The following RIGI variants were observed in gnomAD, a reference collection of about 807,000 sequenced individuals.
RIGI encodes antiviral innate immune response receptor RIG-I.
At chr9:32,470,348 T>C in the RIGI span, among the ~76,000 whole-genome samples, 1 of 152,246 alleles carries the variant, frequency 6.6e-6, no homozygotes, top group Non-Finnish European at 1.5e-5. Flanking sequence ...CTTTAGGCTC[T>C]GTGGGTCATG....
chr9:32,525,065 C>T, the RIGI span, among the ~76,000 whole-genome samples: 2 of 152,160 alleles, frequency 1.3e-5, no homozygotes, highest in Admixed American at 6.5e-5. Flanking sequence ...AATCTAGCAC[C>T]TATTGTTCAA....
chr9:32,458,983 G>A, the RIGI span, among the ~76,000 whole-genome samples: 7 of 147,752 alleles, frequency 4.7e-5, no homozygotes, highest in African/African-American at 1.7e-4. Context: ...TCTGCCTCCC[G>A]GTTCAAGCGA....
At chr9:32,513,036 G>C in the RIGI span, among the ~76,000 whole-genome samples, 1 of 151,900 alleles carries the variant, frequency 6.6e-6, no homozygotes, top group African/African-American at 2.4e-5. Flanking sequence ...CCTCTTCAAG[G>C]AGAACTACAA....
chr9:32,459,108 C>T, the RIGI span, among the ~76,000 whole-genome samples: 3 of 137,590 alleles, frequency 2.2e-5, no homozygotes, highest in Non-Finnish European at 5.0e-5. Context: ...GGGCTGGTCT[C>T]GAACTCCTGA....
the RIGI span, among the ~76,000 whole-genome samples, chr9:32,498,717 T>G: frequency 6.6e-6 from 1 of 152,170 alleles, no homozygotes; most frequent in African/African-American, 2.4e-5. Flanking sequence ...GTGCAGTGGC[T>G]CATGCCTGTA....
At chr9:32,488,174 G>C in the RIGI span, 1 of 1,614,046 alleles carries the variant, frequency 6.2e-7, no homozygotes, top group Admixed American at 1.7e-5. Context: ...ATTCTCAGCT[G>C]TTGCTCCAGA....
chr9:32,483,377 T>C, the RIGI span, among the ~76,000 whole-genome samples: 1 of 152,062 alleles, frequency 6.6e-6, no homozygotes, highest in Non-Finnish European at 1.5e-5. Context: ...TGAACCTGGG[T>C]AGGTGTAAAA....
At chr9:32,470,204 A>G in the RIGI span, among the ~76,000 whole-genome samples, 1 of 152,232 alleles carries the variant, frequency 6.6e-6, no homozygotes, top group Non-Finnish European at 1.5e-5. Context: ...AGCATTGTGG[A>G]CCATTACATA....
chr9:32,471,066 T>C, the RIGI span, among the ~76,000 whole-genome samples: 1 of 152,366 alleles, frequency 6.6e-6, no homozygotes, highest in South Asian at 2.1e-4. Flanking sequence ...AAGACCAGCC[T>C]GGCCAACATG....
At chr9:32,502,124 T>G in the RIGI span, among the ~76,000 whole-genome samples, 2 of 149,280 alleles carry the variant, frequency 1.3e-5, no homozygotes, top group African/African-American at 2.4e-5. Context: ...CAATACATAG[T>G]CTATGTCTGG....
At chr9:32,496,961 ATG>A in the RIGI span, among the ~76,000 whole-genome samples, 1 of 152,126 alleles carries the variant, frequency 6.6e-6, no homozygotes, top group Non-Finnish European at 1.5e-5. Flanking sequence ...CAGATGTGTA[ATG>A]TGTTTTGAAA....
At chr9:32,485,401 A>G in the RIGI span, 21 of 710,668 alleles carry the variant, frequency 3.0e-5, no homozygotes, top group Non-Finnish European at 4.7e-5. Flanking sequence ...TTCCTCTGAA[A>G]AACCTAAGGT....
the RIGI span, among the ~76,000 whole-genome samples, chr9:32,499,222 C>T: frequency 1.9e-4 from 24 of 129,436 alleles, no homozygotes; most frequent in African/African-American, 6.6e-4. Flanking sequence ...TTTCTTTTTC[C>T]AGTTGATTTT....
the RIGI span, among the ~76,000 whole-genome samples, chr9:32,476,391 G>C: frequency 6.6e-6 from 1 of 152,054 alleles, no homozygotes; most frequent in Non-Finnish European, 1.5e-5. Context: ...CCCACGCATG[G>C]TGGCAGAGGG....
chr9:32,477,787 T>G, the RIGI span, among the ~76,000 whole-genome samples: 1 of 151,972 alleles, frequency 6.6e-6, no homozygotes, highest in East Asian at 2.0e-4. Context: ...TAGCCAGGCG[T>G]GGTGATGGGC....
At chr9:32,479,311 AT>A in the RIGI span, among the ~76,000 whole-genome samples, 2 of 152,254 alleles carry the variant, frequency 1.3e-5, no homozygotes, top group East Asian at 3.9e-4. Flanking sequence ...ATATGCATAC[AT>A]TTTTTCTCTA....
chr9:32,480,253 A>T, the RIGI span: 203,009 of 1,609,856 alleles, frequency 0.13, 14,151 homozygotes, highest in Middle Eastern at 0.22. Flanking sequence ...GCTCAATCTC[A>T]TCGAATCCTG....
chr9:32,492,497 C>G, the RIGI span: 1 of 1,614,168 alleles, frequency 6.2e-7, no homozygotes, highest in Non-Finnish European at 8.5e-7. Context: ...GGCATTCCAC[C>G]AATTTCTCTG....
chr9:32,509,134 G>C, the RIGI span, among the ~76,000 whole-genome samples: 488 of 152,314 alleles, frequency 3.2e-3, 3 homozygotes, highest in African/African-American at 0.011. Context: ...CATTTCCCTG[G>C]GAGAGGGCAC....
Sources: allele counts gnomAD v4.1 joint callset (sites outside exome capture counted in the v4.1 genomes callset), GRCh38; gene constraint gnomAD v4.1.1; transcripts MANE v1.5; gene names NCBI Gene and HGNC (gene_info 2026-07-23, HGNC 2026-07-21).